The following ERCC6L2 variants were observed in gnomAD, a reference collection of about 807,000 sequenced individuals.
ERCC6L2 encodes the protein ERCC excision repair 6 like 2.
A neutral mutation model predicts 132.0 loss-of-function variants in ERCC6L2; 77 were observed. The ratio of observed to expected loss-of-function variants is 0.58; its 90% CI spans 0.49 to 0.71. The LOEUF is 0.71. Among genes scored for constraint, ERCC6L2 ranks in the 30% least tolerant of loss-of-function variants. The probability of loss-of-function intolerance (pLI) is 0.00; values close to 1 mark genes in which losing one functional copy is unlikely to be tolerated. For missense variants in ERCC6L2, 1,542 were observed against 1,837.6 expected, an observed-to-expected ratio of 0.84 and a Z score of 2.94; for synonymous variants, 583 against 632.4, an observed-to-expected ratio of 0.92 and a Z score of 1.17.
intron 4 of ERCC6L2, among the ~76,000 whole-genome samples, chr9:95,914,503 G>GC (rs1346325877): frequency 6.6e-6 from 1 of 151,978 alleles, no homozygotes; most frequent in Non-Finnish European, 1.5e-5. Context: ...ACAGGCACAC[G>GC]CCACCGCGCC....
intron 2 of ERCC6L2, among the ~76,000 whole-genome samples, chr9:95,894,498 T>G (rs1417401161): frequency 6.6e-6 from 1 of 152,014 alleles, no homozygotes; most frequent in Non-Finnish European, 1.5e-5. Flanking sequence ...ATTTCTAGTT[T>G]CTTGTATTGT....
intron 12 of ERCC6L2, among the ~76,000 whole-genome samples, chr9:95,953,829 C>G (rs978698020): frequency 4.2e-4 from 64 of 151,964 alleles, no homozygotes; most frequent in African/African-American, 1.5e-3. Context: ...AAAGTCTAAT[C>G]TGAGGGAAAA....
At chr9:96,039,418 G>C (rs1231336051) in intron 20 of ERCC6L2, among the ~76,000 whole-genome samples, 1 of 152,212 alleles carries the variant, frequency 6.6e-6, no homozygotes, top group African/African-American at 2.4e-5. Context: ...GTAGAGAAGA[G>C]AGTGGAGTTT....
Position 95,875,971 on chromosome 9 carries a change from C to T in ERCC6L2, c.-68C>T, listed in dbSNP as rs752897090. On this transcript the variant is annotated 5_prime_UTR_variant, in exon 1 of 19. Transcript: ENST00000653738. The stretch of plus-strand genomic sequence containing the variant: ...GGCCGCCATTGGCCTGCCGGCCAGC[C>T]ACCTTGCTGTCCTCCGCCGCCTTCC... 4 of 1,526,230 alleles carry T rather than the reference C, an allele frequency of 2.6e-6. No homozygotes were observed. The highest frequency in any genetic ancestry group is 3.5e-6 in the Non-Finnish European group (4 of 1,129,320). 94.5% of individuals were successfully genotyped at this position (1,526,230 alleles called of 1,614,324 possible). A position where few individuals can be genotyped will look rare whatever the true frequency, so the allele number is the denominator to read the frequency against.
chr9:95,887,904 G>C (rs1410782916), intron 2 of ERCC6L2, among the ~76,000 whole-genome samples: 9 of 152,082 alleles, frequency 5.9e-5, no homozygotes, highest in Non-Finnish European at 1.5e-5. Flanking sequence ...AGTGTGGAAG[G>C]TTAATTAGCC....
Position 95,988,399 on chromosome 9 carries a change from T to A in ERCC6L2, c.3492+10184T>A, listed in dbSNP as rs1833174458. On this transcript the variant is annotated intron_variant, in intron 17 of 18. Coordinates refer to ENST00000653738, the MANE Select transcript of ERCC6L2 (RefSeq NM_020207.7). ...TGTTTTATTTTGGAGACGTCAGTCA[T>A]CTTGTTAGCTGCATTACTTAGTATC... is the stretch of plus-strand genomic sequence containing the variant. Among the ~76,000 whole-genome samples the A allele has an allele frequency of 2.0e-5, 3 of 152,214 alleles. No homozygotes were observed. The South Asian group carries it at 6.2e-4, about 32-fold the overall frequency.
intron 17 of ERCC6L2, among the ~76,000 whole-genome samples, chr9:95,995,054 G>A (rs1833426790): frequency 6.6e-6 from 1 of 152,204 alleles, no homozygotes. Flanking sequence ...GATTCCATAT[G>A]TAGCTGAGTA....
rs560918810 is a variant in ERCC6L2 at position 96,001,016 on chromosome 9, G to A, written c.3493-3504G>A. Reference sequence around the variant, plus strand: ...TTCCTTCTGGTGGGTTCATGGTCTCGCTGGCTCAGGAGTGAAGCTGCAGAC... The same window carrying A: ...TTCCTTCTGGTGGGTTCATGGTCTCACTGGCTCAGGAGTGAAGCTGCAGAC... On this transcript the variant is annotated intron_variant, in intron 17 of 18. Coordinates refer to ENST00000653738, the MANE Select transcript of ERCC6L2 (RefSeq NM_020207.7). Among the ~76,000 whole-genome samples, 451 of 152,012 alleles carry A rather than the reference G, an allele frequency of 3.0e-3. 2 individuals are homozygous for A. The highest frequency in any genetic ancestry group is 0.01 in the African/African-American group (419 of 41,460).
chr9:95,979,358 C>A (rs1409424641), intron 17 of ERCC6L2, among the ~76,000 whole-genome samples: 3 of 152,040 alleles, frequency 2.0e-5, no homozygotes, highest in Non-Finnish European at 4.4e-5. Flanking sequence ...CTCCCATATG[C>A]AAAGAATTGT....
chr9:96,001,222 G>A (rs1303156331), intron 17 of ERCC6L2, among the ~76,000 whole-genome samples: 14 of 152,284 alleles, frequency 9.2e-5, no homozygotes, highest in African/African-American at 2.9e-4. Flanking sequence ...TGCAAAGAGC[G>A]AAAGAACAAA....
At chr9:96,018,648 T>C (rs201467837), downstream of ERCC6L2, among the ~76,000 whole-genome samples, 4,564 of 151,952 alleles carry the variant, frequency 0.03, 96 homozygotes, top group East Asian at 0.13. Flanking sequence ...TTTTTTTTTT[T>C]TTTTAGAGAC....
chr9:95,956,871 CT>C (rs1290859286), intron 13 of ERCC6L2, among the ~76,000 whole-genome samples: 1 of 151,932 alleles, frequency 6.6e-6, no homozygotes, highest in African/African-American at 2.4e-5. Flanking sequence ...AGCTGCCAGC[CT>C]TTGAGTAACC....
intron 15 of ERCC6L2, chr9:95,971,492 A>G (rs113570373): frequency 3.3e-5 from 5 of 152,318 alleles, no homozygotes; most frequent in African/African-American, 1.2e-4. Context: ...ACAATTTTCC[A>G]GTCTTGAATT....
At chr9:95,965,326 GTTATT>G (rs1021485350) in intron 13 of ERCC6L2, among the ~76,000 whole-genome samples, 10 of 152,134 alleles carry the variant, frequency 6.6e-5, no homozygotes, top group African/African-American at 2.4e-4. Context: ...AGAAATTTTA[GTTATT>G]TTATTTCTAA....
chr9:95,883,089 A>G (rs1277011753), intron 2 of ERCC6L2, among the ~76,000 whole-genome samples: 1 of 152,150 alleles, frequency 6.6e-6, no homozygotes, highest in South Asian at 2.1e-4. Context: ...CTTCCTCAGG[A>G]AAGGACCCCC....
intron 13 of ERCC6L2, among the ~76,000 whole-genome samples, chr9:95,957,501 CATCTT>C (rs1263278735): frequency 1.3e-5 from 2 of 150,734 alleles, no homozygotes; most frequent in East Asian, 1.9e-4. Flanking sequence ...GGAAGTTACT[CATCTT>C]AGGAGCTGTT....
At chr9:96,034,561 C>A (rs1248697465) in intron 19 of ERCC6L2, among the ~76,000 whole-genome samples, 2 of 152,172 alleles carry the variant, frequency 1.3e-5, no homozygotes, top group Non-Finnish European at 2.9e-5. Flanking sequence ...GACAAACAAG[C>A]AAGAGCATTA....
intron 1 of ERCC6L2, chr9:95,876,343 T>C: frequency 2.3e-6 from 1 of 431,892 alleles, no homozygotes; most frequent in Non-Finnish European, 4.2e-6. Context: ...TCCTCATCTG[T>C]AAAACTGGGT....
intron 12 of ERCC6L2, among the ~76,000 whole-genome samples, chr9:95,951,738 A>G (rs889101480): frequency 2.8e-5 from 4 of 144,166 alleles, no homozygotes; most frequent in African/African-American, 1.1e-4. Flanking sequence ...ACCTAGGAAG[A>G]ATGTCATGAA....
Sources: allele counts gnomAD v4.1 joint callset (sites outside exome capture counted in the v4.1 genomes callset), GRCh38; gene constraint gnomAD v4.1.1; transcripts MANE v1.5; gene names NCBI Gene and HGNC (gene_info 2026-07-23, HGNC 2026-07-21).